The following TENM2 variants were observed in gnomAD, a reference collection of about 807,000 sequenced individuals.
TENM2 encodes teneurin-2.
In TENM2, 52 loss-of-function variants were observed where a neutral mutation model predicts 245.2. The observed-to-expected ratio is 0.21, with a 90% CI of 0.17 to 0.27. The LOEUF (loss-of-function observed/expected upper bound fraction) is 0.27. Among genes scored for constraint, TENM2 ranks in the 10% least tolerant of loss-of-function variants. The pLI is 1.00. For missense variants in TENM2, 3,046 were observed against 3,666.8 expected (o/e 0.83, Z 4.37); for synonymous variants, 1,363 against 1,438.9 (o/e 0.95, Z 1.19).
intron 1 of TENM2, among the ~76,000 whole-genome samples, chr5:167,326,080 C>T (rs1757057384): frequency 6.6e-6 from 1 of 151,964 alleles, no homozygotes; most frequent in Admixed American, 6.6e-5. Flanking sequence ...GGGTGAGGGG[C>T]ATTCTGAGTG....
the TENM2 span, among the ~76,000 whole-genome samples, chr5:167,113,370 G>A: frequency 4.6e-5 from 7 of 152,100 alleles, no homozygotes; most frequent in African/African-American, 1.7e-4. Flanking sequence ...GGTTTGGAGA[G>A]GTGTTCACAC....
the TENM2 span, among the ~76,000 whole-genome samples, chr5:167,095,856 C>T: frequency 9.3e-5 from 14 of 150,158 alleles, no homozygotes; most frequent in African/African-American, 2.9e-4. Flanking sequence ...CTGCAACCTT[C>T]GCCTCCTGGG....
intron 1 of TENM2, among the ~76,000 whole-genome samples, chr5:167,325,521 C>T (rs1409721937): frequency 1.3e-5 from 2 of 152,168 alleles, no homozygotes; most frequent in South Asian, 4.1e-4. Flanking sequence ...TAACTCATTG[C>T]TCAGGTTAAA....
intron 20 of TENM2, 86 bp downstream of exon 22, chr5:168,211,840 T>A: frequency 1.2e-6 from 1 of 807,618 alleles, no homozygotes; most frequent in South Asian, 1.8e-5. Context: ...GCTTCTTGTG[T>A]AATGTTGTAT....
rs528393357 is a variant in TENM2 at position 167,797,943 on chromosome 5, A to C, written c.503-78043A>C. ...CAACAGAGTTGCATGTGCTTGAATT[A>C]ATTCATCCTGACCAATGGGTGGTTC... is the stretch of plus-strand genomic sequence containing the variant. On this transcript the variant is annotated intron_variant, in intron 2 of 28. Coordinates refer to ENST00000518659, the Ensembl canonical transcript of TENM2. 5.9e-5 allele frequency among the ~76,000 whole-genome samples: 9 copies of C among 152,366 alleles called. No homozygotes were observed. The East Asian group carries it at 1.7e-3, about 29-fold the overall frequency.
intron 1 of TENM2, among the ~76,000 whole-genome samples, chr5:167,316,781 G>A (rs1163886615): frequency 2.0e-5 from 3 of 152,094 alleles, no homozygotes; most frequent in African/African-American, 7.2e-5. Context: ...TTGAGACATT[G>A]CAATGGAGAA....
chr5:167,158,393 C>T, the TENM2 span, among the ~76,000 whole-genome samples: 1 of 152,144 alleles, frequency 6.6e-6, no homozygotes, highest in Non-Finnish European at 1.5e-5. Context: ...TGATCTCTTT[C>T]TTGCTCTTCT....
chr5:167,974,953 C>T (rs1274761360), intron 4 of TENM2, among the ~76,000 whole-genome samples: 1 of 152,214 alleles, frequency 6.6e-6, no homozygotes, highest in Non-Finnish European at 1.5e-5. Context: ...TCAAGCAAAA[C>T]TTGAGAGCCA....
At chr5:167,500,500 G>A (rs1430438284) in intron 2 of TENM2, among the ~76,000 whole-genome samples, 1 of 151,974 alleles carries the variant, frequency 6.6e-6, no homozygotes, top group Admixed American at 6.6e-5. Flanking sequence ...AAAATAAAAA[G>A]AAATGGATAG....
intron 5 of TENM2, among the ~76,000 whole-genome samples, chr5:168,030,168 T>TTTTTTTTTTTTTTC (rs1581106736): frequency 2.4e-5 from 2 of 84,626 alleles, no homozygotes; most frequent in South Asian, 9.6e-4. Context: ...CTTTTTTTTT[T>TTTTTTTTTTTTTTC]TTTTTTTTTT....
chr5:168,102,160 GC>G (rs943362685), intron 9 of TENM2, among the ~76,000 whole-genome samples: 10 of 151,982 alleles, frequency 6.6e-5, no homozygotes, highest in African/African-American at 2.4e-4. Context: ...CGCAACCTCC[GC>G]CTCCTGGGTT....
chr5:167,142,461 C>CAT, the TENM2 span, among the ~76,000 whole-genome samples: 1 of 151,142 alleles, frequency 6.6e-6, no homozygotes, highest in African/African-American at 2.4e-5. Context: ...AACTTTTATC[C>CAT]ATATATATAT....
intron 2 of TENM2, among the ~76,000 whole-genome samples, chr5:167,839,734 G>T (rs1769319017): frequency 6.6e-6 from 1 of 152,118 alleles, no homozygotes; most frequent in Non-Finnish European, 1.5e-5. Flanking sequence ...AGGAATACCA[G>T]TTTTTGCTTA....
chr5:167,003,098 A>G, the TENM2 span, among the ~76,000 whole-genome samples: 5 of 152,174 alleles, frequency 3.3e-5, no homozygotes, highest in Non-Finnish European at 7.4e-5. Flanking sequence ...AAAATATCTG[A>G]AAAGCTCAAA....
At position 168,216,931 on chromosome 5, in the gene TENM2, C is replaced by T. The variant is rs1304324520; in HGVS notation, c.4233+9C>T. 1 of 1,613,292 alleles carries T rather than the reference C, an allele frequency of 6.2e-7. No individual in the cohort carries two copies. The highest frequency in any genetic ancestry group is 1.3e-5 in the African/African-American group (1 of 74,998). On this transcript the variant is annotated intron_variant, in intron 22 of 28. Transcript: ENST00000518659. The stretch of plus-strand genomic sequence containing the variant: ...GCATGGATGTAGCCCAGGTGAGACT[C>T]TTTCTTATTTCTCTTCACTAAGCAA...
intron 2 of TENM2, among the ~76,000 whole-genome samples, chr5:167,421,786 A>G (rs1763522662): frequency 6.6e-6 from 1 of 151,976 alleles, no homozygotes; most frequent in Non-Finnish European, 1.5e-5. Context: ...TGTTGGTAGT[A>G]TTCTGTTTTT....
chr5:167,510,575 C>G (rs1488008001), intron 2 of TENM2, among the ~76,000 whole-genome samples: 1 of 137,752 alleles, frequency 7.3e-6, no homozygotes, highest in African/African-American at 2.7e-5. Flanking sequence ...AAAATCAATG[C>G]TTATCAAGAA....
At chr5:167,383,728 TA>T (rs10549785) in intron 2 of TENM2, among the ~76,000 whole-genome samples, 13,261 of 110,308 alleles carry the variant, frequency 0.12, 738 homozygotes, top group African/African-American at 0.18. Context: ...TGGTGCAGGA[TA>T]AAAAAAAAAA....
chr5:167,947,308 T>C (rs1706901474), intron 3 of TENM2, among the ~76,000 whole-genome samples: 1 of 152,248 alleles, frequency 6.6e-6, no homozygotes, highest in Non-Finnish European at 1.5e-5. Context: ...TATGTGTTAA[T>C]AGCTTGCTAT....
Sources: allele counts gnomAD v4.1 joint callset (sites outside exome capture counted in the v4.1 genomes callset), GRCh38; gene constraint gnomAD v4.1.1; transcripts MANE v1.5; gene names NCBI Gene and HGNC (gene_info 2026-07-23, HGNC 2026-07-21).